Variants in MYLK4 observed in about 807,000 individuals in gnomAD.
MYLK4 encodes caMLCK like.
Under a neutral mutation model 48.1 loss-of-function variants are expected in MYLK4, and 46 were observed. The observed-to-expected ratio is 0.96, with a 90% CI of 0.75 to 1.22. The LOEUF is 1.22. Among genes scored for constraint, MYLK4 ranks in the 50% most tolerant of loss-of-function variants. The pLI, the probability that MYLK4 is intolerant of heterozygous loss-of-function variation, is 0.00. For synonymous variants in MYLK4, 170 were observed against 180.8 expected, an observed-to-expected ratio of 0.94 and a Z score of 0.48; for missense variants, 451 against 486.1, an observed-to-expected ratio of 0.93 and a Z score of 0.68.
At chr6:2,719,731 C>T (rs753273171) in intron 2 of MYLK4, among the ~76,000 whole-genome samples, 99 of 152,106 alleles carry the variant, frequency 6.5e-4, no homozygotes, top group Non-Finnish European at 1.3e-3. Context: ...AAAAGAAGCA[C>T]AAATTGTATT....
intron 2 of MYLK4, among the ~76,000 whole-genome samples, chr6:2,722,552 T>C (rs1047830367): frequency 6.9e-6 from 1 of 145,418 alleles, no homozygotes. Flanking sequence ...TGTGTGTGTG[T>C]GTGTTGGAGG....
At chr6:2,761,056 G>T in the MYLK4 span, among the ~76,000 whole-genome samples, 2 of 152,124 alleles carry the variant, frequency 1.3e-5, no homozygotes, top group Non-Finnish European at 2.9e-5. Flanking sequence ...ATGAAGGTGC[G>T]CAAGATCATG....
At chr6:2,739,339 A>C (rs1474393602) in intron 2 of MYLK4, among the ~76,000 whole-genome samples, 1 of 152,204 alleles carries the variant, frequency 6.6e-6, no homozygotes, top group Non-Finnish European at 1.5e-5. Flanking sequence ...TAAATATTTA[A>C]AGGAAAGCTG....
At chr6:2,765,977 G>C in the MYLK4 span, 1 of 1,402,712 alleles carries the variant, frequency 7.1e-7, no homozygotes, top group Non-Finnish European at 9.3e-7. Context: ...CACACCCAGC[G>C]GCGCCCGCCT....
the MYLK4 span, chr6:2,766,276 C>T: frequency 1.3e-6 from 2 of 1,581,604 alleles, no homozygotes; most frequent in South Asian, 2.3e-5. Flanking sequence ...CCGAGGAGAT[C>T]CGACAGATGC....
upstream of MYLK4, among the ~76,000 whole-genome samples, chr6:2,753,998 CAAA>C (rs199757208): frequency 9.5e-5 from 10 of 105,094 alleles, no homozygotes; most frequent in African/African-American, 1.8e-4. Context: ...CCATCTCTAC[CAAA>C]AAAAAAAAAA....
the MYLK4 span, chr6:2,765,522 G>T: frequency 7.7e-7 from 1 of 1,290,456 alleles, no homozygotes. Flanking sequence ...TTCCCCGAGC[G>T]AGGGTCTCGC....
chr6:2,705,630 A>G (rs1352879944), intron 2 of MYLK4, among the ~76,000 whole-genome samples: 1 of 152,228 alleles, frequency 6.6e-6, no homozygotes, highest in Non-Finnish European at 1.5e-5. Context: ...AAAAAGCAGC[A>G]CTTTTTGTTG....
chr6:2,756,551 C>G, the MYLK4 span, among the ~76,000 whole-genome samples: 99,577 of 151,938 alleles, frequency 0.66, 33,109 homozygotes, highest in Non-Finnish European at 0.71. Flanking sequence ...CTTCAGAGGA[C>G]AGAGAGAGGA....
At chr6:2,689,351 T>C (rs1432550925) in intron 3 of MYLK4, among the ~76,000 whole-genome samples, 1 of 152,266 alleles carries the variant, frequency 6.6e-6, no homozygotes, top group Non-Finnish European at 1.5e-5. Flanking sequence ...TATAATCCAT[T>C]ATTTTAATTA....
chr6:2,689,609 C>A (rs1438495991), intron 3 of MYLK4, among the ~76,000 whole-genome samples: 5 of 152,216 alleles, frequency 3.3e-5, no homozygotes, highest in African/African-American at 1.2e-4. Context: ...CACATCAGCA[C>A]CAGCTCTAAC....
At chr6:2,766,303 G>GGCCGACACGATGCGT in the MYLK4 span, 1 of 1,608,910 alleles carries the variant, frequency 6.2e-7, no homozygotes, top group Non-Finnish European at 8.5e-7. Flanking sequence ...GCAAGCCGCT[G>GGCCGACACGATGCGT]GCCGACACGA....
At chr6:2,679,890 G>T (rs184659116) in intron 8 of MYLK4, among the ~76,000 whole-genome samples, 36 of 152,318 alleles carry the variant, frequency 2.4e-4, no homozygotes, top group South Asian at 1.4e-3. Context: ...TGCTTACGTT[G>T]TTAATATTTT....
intron 2 of MYLK4, among the ~76,000 whole-genome samples, chr6:2,735,300 G>C (rs1014489920): frequency 1.3e-4 from 20 of 152,294 alleles, no homozygotes; most frequent in African/African-American, 4.8e-4. Context: ...AATGAAGAAA[G>C]CCAGGGCATG....
intron 2 of MYLK4, among the ~76,000 whole-genome samples, chr6:2,735,306 G>A (rs1370283317): frequency 1.3e-5 from 2 of 152,136 alleles, no homozygotes; most frequent in Non-Finnish European, 2.9e-5. Flanking sequence ...GAAAGCCAGG[G>A]CATGTCAGGC....
intron 2 of MYLK4, among the ~76,000 whole-genome samples, chr6:2,737,992 TG>T (rs202065853): frequency 0.027 from 271 of 10,004 alleles, 23 homozygotes; most frequent in African/African-American, 0.08. Flanking sequence ...GGGGGGGGGG[TG>T]GTCAATGTTA....
upstream of MYLK4, among the ~76,000 whole-genome samples, chr6:2,754,693 C>T (rs1764382805): frequency 6.6e-6 from 1 of 151,950 alleles, no homozygotes; most frequent in South Asian, 2.1e-4. Flanking sequence ...AAAGAAAACC[C>T]AATAATATGA....
chr6:2,679,377 A>AGTTC lies in MYLK4; in HGVS notation c.786_789dup (p.Phe264GlufsTer11). On this transcript the variant is annotated frameshift_variant, in exon 9 of 13. Transcript: ENST00000274643. LOFTEE classifies it high-confidence loss of function. ...GGGGCGAGAAATTCTGGGGTTCCAAAGTTCACCTTCAGCTTCTCTCTGGGT... is the reference window on the plus strand; with the variant it reads ...GGGGCGAGAAATTCTGGGGTTCCAAAGTTCGTTCACCTTCAGCTTCTCTCTGGGT... 6.2e-7 allele frequency: 1 copy of AGTTC among 1,614,194 alleles called. No individual in the cohort carries two copies. Among genetic ancestry groups the AGTTC allele is most frequent in the Non-Finnish European group, 8.5e-7 (1 of 1,180,024 alleles).
rs1255689399 is a variant in MYLK4, at chr6:2,685,878, T to G, written c.342-302A>C. Among the ~76,000 whole-genome samples the G allele has an allele frequency of 6.6e-6, 1 of 151,816 alleles. No homozygotes were observed. Among genetic ancestry groups the G allele is most frequent in the South Asian group, 2.1e-4 (1 of 4,814 alleles). On this transcript the variant is annotated intron_variant, in intron 4 of 12. Transcript: ENST00000274643. This position sits in a 1 kb window ranked among gnomAD's most constrained non-coding sequence, Gnocchi z 4.5. ...GAGGTCAGGACCAGTCTGGCCAACA[T>G]AGTGAAACCCCATCTCTGCTAAAAA...
Sources: allele counts gnomAD v4.1 joint callset (sites outside exome capture counted in the v4.1 genomes callset), GRCh38; gene constraint gnomAD v4.1.1; non-coding constraint Gnocchi (gnomAD v3.1); transcripts MANE v1.5; gene names NCBI Gene and HGNC (gene_info 2026-07-23, HGNC 2026-07-21).